RAI2: variants seen among roughly 807,000 people sequenced by gnomAD.
RAI2 encodes retinoic acid induced 2, also known as retinoic acid-induced protein 2.
A neutral mutation model predicts 15.3 loss-of-function variants in RAI2; 5 were observed. The ratio of observed to expected loss-of-function variants is 0.33; its 90% CI spans 0.17 to 0.69. The LOEUF (loss-of-function observed/expected upper bound fraction) is 0.69, where lower values mean the gene tolerates loss of function less well. Among genes scored for constraint, RAI2 ranks in the 30% least tolerant of loss-of-function variants. RAI2 has a pLI of 0.69. For missense variants in RAI2, 424 were observed against 424.7 expected (o/e 1.00, Z 0.01); for synonymous variants, 191 against 184.0 (o/e 1.04, Z -0.31).
intron 1 of RAI2, among the ~76,000 whole-genome samples, chrX:17,825,922 G>A (rs1357922939): frequency 8.9e-6 from 1 of 112,497 alleles, no homozygotes; most frequent in Admixed American, 9.4e-5. Context: ...TGACCTCCAT[G>A]TGGCCAGATC....
chrX:17,842,864 A>G (rs770339415), intron 1 of RAI2, among the ~76,000 whole-genome samples: 42 of 112,190 alleles, frequency 3.7e-4, no homozygotes, highest in African/African-American at 1.3e-3. Context: ...AAAAAGCCAG[A>G]AGAGAAGGAT....
intron 1 of RAI2, among the ~76,000 whole-genome samples, chrX:17,819,848 T>G (rs946159836): frequency 1.8e-5 from 2 of 112,481 alleles, no homozygotes; most frequent in African/African-American, 6.5e-5. Flanking sequence ...GAAAGGAGCC[T>G]GAAGGGCCTT....
rs1411753670 is a variant in RAI2 at position 17,801,045 on chromosome X, C to T, written c.966G>A (p.Lys322=). ...SENEALDLSM[K]SVPWLKAGEV... is the part of the protein sequence containing the mutation. ...CACCAGCCTTGAGCCAGGGCACTGA[C>T]TTCATGGAGAGATCCAGGGCCTCGT... The change falls in exon 2 of 2, where the codon AAG becomes AAA. Residue 322 remains lysine (K), a synonymous_variant. Coordinates refer to ENST00000451717, the MANE Select transcript of RAI2 (RefSeq NM_021785.6). 5.8e-6 allele frequency: 7 copies of T among 1,209,585 alleles called. No individual in the cohort carries two copies. The Admixed American group carries it at 1.5e-4, about 26-fold the overall frequency.
At chrX:17,819,424 C>T (rs1473379232) in intron 1 of RAI2, among the ~76,000 whole-genome samples, 1 of 112,521 alleles carries the variant, frequency 8.9e-6, no homozygotes, top group Admixed American at 9.4e-5. Context: ...GGAGAACTGT[C>T]TCACACCTTC....
At chrX:17,856,887 G>T (rs2067614601) in intron 1 of RAI2, among the ~76,000 whole-genome samples, 1 of 111,787 alleles carries the variant, frequency 8.9e-6, no homozygotes, top group African/African-American at 3.3e-5. Flanking sequence ...TGTGTTCTTG[G>T]CAGGAGAGAG....
At chrX:17,808,686 A>G (rs1400124309) in intron 1 of RAI2, among the ~76,000 whole-genome samples, 2 of 109,017 alleles carry the variant, frequency 1.8e-5, no homozygotes, top group African/African-American at 3.4e-5. Context: ...GGAAGACGTG[A>G]GATGGCTCTC....
At chrX:17,825,041 G>T (rs1340132620) in intron 1 of RAI2, among the ~76,000 whole-genome samples, 1 of 112,578 alleles carries the variant, frequency 8.9e-6, no homozygotes, top group Non-Finnish European at 1.9e-5. Context: ...GCTTGTATGT[G>T]TATGTACTTC....
intron 1 of RAI2, among the ~76,000 whole-genome samples, chrX:17,817,278 C>G (rs2067118983): frequency 9.0e-6 from 1 of 110,787 alleles, no homozygotes; most frequent in Admixed American, 9.6e-5. Context: ...CTCAGAGCAC[C>G]CCAGAACCCA....
chrX:17,813,053 A>C (rs1207218300), intron 1 of RAI2, among the ~76,000 whole-genome samples: 1 of 109,271 alleles, frequency 9.2e-6, no homozygotes, highest in Admixed American at 9.7e-5. Context: ...ATGGTAAAAA[A>C]AATAAAATAT....
intron 1 of RAI2, among the ~76,000 whole-genome samples, chrX:17,814,763 A>G (rs1158478377): frequency 9.0e-6 from 1 of 110,880 alleles, no homozygotes; most frequent in African/African-American, 3.3e-5. Flanking sequence ...TTGCTAAAAT[A>G]TAACTGGGGC....
Position 17,849,426 on chromosome X carries a change from T to C in RAI2, c.-25+11672A>G, listed in dbSNP as rs370774545. ...ACCTCCTGTAAGTGGTGTGATCTTG[T>C]GTAAGTTACTAAACGTATCCAAGCC... is the stretch of plus-strand genomic sequence containing the variant. On this transcript the variant is annotated intron_variant, in intron 1 of 1. Transcript: ENST00000451717. Among the ~76,000 whole-genome samples the C allele has an allele frequency of 4.6e-3, 514 of 112,375 alleles. 4 individuals carry two copies. Among genetic ancestry groups the C allele is most frequent in the African/African-American group, 0.015 (476 of 30,934 alleles).
At chrX:17,855,982 T>C (rs1169784711) in intron 1 of RAI2, among the ~76,000 whole-genome samples, 1 of 112,069 alleles carries the variant, frequency 8.9e-6, no homozygotes, top group Non-Finnish European at 1.9e-5. Context: ...TGCATGTGGC[T>C]AGTGGCTAGT....
At position 17,800,280 on chromosome X, in the gene RAI2, T is replaced by A; in HGVS notation, c.*138A>T. 1.1e-6 allele frequency: 1 copy of A among 890,981 alleles called. No homozygotes were observed. The highest frequency in any genetic ancestry group is 2.0e-5 in the African/African-American group (1 of 50,057). The allele number at this position is 890,981 out of a possible 1,213,427, so 73.4% of individuals were successfully genotyped here. A position where few individuals can be genotyped will look rare whatever the true frequency, so the allele number is the denominator to read the frequency against. ...GAAAATGATACTAGCATACAGGGCC[T>A]CTAGAGCCAATTCACCTTTCCATTT... On this transcript the variant is annotated 3_prime_UTR_variant, in exon 2 of 2. Coordinates refer to ENST00000451717, the MANE Select transcript of RAI2 (RefSeq NM_021785.6).
At chrX:17,842,292 G>GCGAGGGAGAGGCAA (rs1601930781) in intron 1 of RAI2, among the ~76,000 whole-genome samples, 1 of 111,475 alleles carries the variant, frequency 9.0e-6, no homozygotes, top group Admixed American at 9.5e-5. Context: ...TAGTCTCACT[G>GCGAGGGAGAGGCAA]CGAGGGAGAG....
chrX:17,801,072 C>T lies in RAI2; in HGVS notation c.939G>A (p.Glu313=), dbSNP rs1231680942. The T allele has an allele frequency of 8.3e-7, 1 of 1,209,765 alleles. No individual in the cohort carries two copies. Among genetic ancestry groups the T allele is most frequent in the Non-Finnish European group, 1.1e-6 (1 of 895,235 alleles). Residue 313 remains glutamate, a synonymous_variant, in exon 2 of 2, where the codon GAG becomes GAA. Coordinates refer to ENST00000451717, the MANE Select transcript of RAI2 (RefSeq NM_021785.6). ...TCATGGAGAGATCCAGGGCCTCGTT[C>T]TCACTTCCCATCTTAATGACCGTGT... The part of the protein sequence containing the change: ...SRHTVIKMGS[E]NEALDLSMKS...
chrX:17,849,001 T>A (rs2067496296), intron 1 of RAI2, among the ~76,000 whole-genome samples: 1 of 112,267 alleles, frequency 8.9e-6, no homozygotes, highest in African/African-American at 3.2e-5. Context: ...GTCGCCCAAA[T>A]AAAGCTGGGA....
At chrX:17,825,661 C>G (rs976562610) in intron 1 of RAI2, among the ~76,000 whole-genome samples, 12 of 112,431 alleles carry the variant, frequency 1.1e-4, no homozygotes, top group African/African-American at 3.9e-4. Context: ...TGATGGTGGG[C>G]AGGTAGTGAT....
intron 1 of RAI2, among the ~76,000 whole-genome samples, chrX:17,850,871 T>C (rs2067524032): frequency 8.8e-6 from 1 of 112,996 alleles, no homozygotes; most frequent in Admixed American, 9.3e-5. Context: ...AAAGATCATT[T>C]TGGAATACAG....
chrX:17,834,896 G>A (rs2067317965), intron 1 of RAI2, among the ~76,000 whole-genome samples: 1 of 110,919 alleles, frequency 9.0e-6, no homozygotes, highest in Non-Finnish European at 1.9e-5. Flanking sequence ...GCTCAGGGAG[G>A]AGAGTTGTGA....
Sources: gnomAD v4.1 joint callset for allele counts (sites outside exome capture counted in the v4.1 genomes callset) on GRCh38, gnomAD v4.1.1 for gene constraint, MANE v1.5 for transcripts, NCBI Gene and HGNC (gene_info 2026-07-23, HGNC 2026-07-21) for gene names.